RMI1: variants seen among roughly 807,000 people sequenced by gnomAD.
The protein encoded by RMI1 is RecQ mediated genome instability 1.
In RMI1, 36 loss-of-function variants were observed where a neutral mutation model predicts 46.7. That is an observed-to-expected ratio of 0.77 (90% CI 0.59 to 1.02). The LOEUF is 1.02. RMI1 is among the 50% of genes least tolerant of loss of function. The pLI, the probability that RMI1 is intolerant of heterozygous loss-of-function variation, is 0.00. For synonymous variants in RMI1, 250 were observed against 252.9 expected, an observed-to-expected ratio of 0.99 and a Z score of 0.11; for missense variants, 676 against 713.7, an observed-to-expected ratio of 0.95 and a Z score of 0.60.
In RMI1 at chr9:84,001,041, C is replaced by T. The variant is rs35819647; in HGVS notation, c.55C>T (p.His19Tyr). 1,286 of 1,613,600 alleles carry T rather than the reference C, an allele frequency of 8.0e-4. 4 individuals carry two copies. In the African/African-American group the frequency reaches 8.1e-3, roughly 10 times the overall value. The stretch of plus-strand genomic sequence containing the variant: ...TGAAACTTGGCTTTTAGCTGCATGG[C>T]ATGTTAAAGTACCTCCGATGTGGCT... ...RAETWLLAAW[H>Y]VKVPPMWLEA... Residue 19 changes from histidine to tyrosine, a missense_variant, in exon 3 of 3, where the codon CAT becomes TAT. Transcript: ENST00000445877.
intron 1 of RMI1, among the ~76,000 whole-genome samples, chr9:83,997,837 G>A (rs761726537): frequency 1.3e-5 from 2 of 150,252 alleles, no homozygotes; most frequent in Non-Finnish European, 3.0e-5. Flanking sequence ...TTGCTCTGTC[G>A]CCCAGGTGGA....
intron 2 of RMI1, among the ~76,000 whole-genome samples, chr9:84,000,551 G>T (rs1433945737): frequency 1.3e-5 from 2 of 152,172 alleles, no homozygotes; most frequent in African/African-American, 4.8e-5. Context: ...CCATAGATAA[G>T]GGAGGCTAAT....
chr9:83,981,641 CG>C (rs1957399846), intron 1 of RMI1, among the ~76,000 whole-genome samples: 1 of 152,194 alleles, frequency 6.6e-6, no homozygotes, highest in African/African-American at 2.4e-5. Context: ...TTCCAGCCTC[CG>C]CCCACAATCC....
intron 1 of RMI1, among the ~76,000 whole-genome samples, chr9:83,989,673 A>AAAT (rs1957540237): frequency 6.7e-6 from 1 of 148,536 alleles, no homozygotes; most frequent in African/African-American, 2.6e-5. Flanking sequence ...AAGACAAAAA[A>AAAT]AAAAATAAAA....
At chr9:83,997,100 A>ACC (rs1392740034) in intron 1 of RMI1, among the ~76,000 whole-genome samples, 26 of 92,726 alleles carry the variant, frequency 2.8e-4, no homozygotes, top group African/African-American at 1.2e-3. Flanking sequence ...TAAGTCCAAC[A>ACC]CCCCCCCCTT....
At chr9:83,992,881 T>A (rs1230470091) in intron 1 of RMI1, 1 of 152,200 alleles carries the variant, frequency 6.6e-6, no homozygotes, top group Non-Finnish European at 1.5e-5. Context: ...CTCTCTTCCA[T>A]CTTTTTCTCT....
At chr9:83,999,964 A>G (rs974231729) in intron 2 of RMI1, among the ~76,000 whole-genome samples, 167 bp downstream of exon 2, 2 of 152,196 alleles carry the variant, frequency 1.3e-5, no homozygotes, top group Non-Finnish European at 2.9e-5. Flanking sequence ...ATATTTATAT[A>G]TTTGCCTGGC....
intron 1 of RMI1, among the ~76,000 whole-genome samples, chr9:83,981,518 A>G (rs192711158): frequency 6.6e-6 from 1 of 152,276 alleles, no homozygotes; most frequent in Admixed American, 6.5e-5. Context: ...CTCCTGTGCC[A>G]AGCTTTCATG....
At chr9:83,990,539 T>G (rs1044705643) in intron 1 of RMI1, among the ~76,000 whole-genome samples, 1 of 150,954 alleles carries the variant, frequency 6.6e-6, no homozygotes, top group African/African-American at 2.4e-5. Context: ...TTGGAATAAG[T>G]TCTAGTGTTT....
chr9:83,990,888 AC>A (rs1957563544), intron 1 of RMI1, among the ~76,000 whole-genome samples: 1 of 151,728 alleles, frequency 6.6e-6, no homozygotes, highest in South Asian at 2.1e-4. Context: ...GCTCACCACA[AC>A]CCCCGCCTCC....
At chr9:83,987,237 A>G (rs948293041) in intron 1 of RMI1, among the ~76,000 whole-genome samples, 2 of 152,000 alleles carry the variant, frequency 1.3e-5, no homozygotes, top group East Asian at 1.9e-4. Context: ...TAATTTTTGT[A>G]TGTTTAGTAG....
At chr9:83,989,972 A>T (rs80245705) in intron 1 of RMI1, among the ~76,000 whole-genome samples, 5,229 of 152,310 alleles carry the variant, frequency 0.034, 295 homozygotes, top group African/African-American at 0.12. Context: ...GGATAAAGAA[A>T]ATGTATATAT....
In RMI1 at chr9:84,002,332, A is replaced by G. The variant is rs768898369; in HGVS notation, c.1346A>G (p.Asn449Ser). 2.2e-5 allele frequency: 35 copies of G among 1,602,692 alleles called. No individual in the cohort carries two copies. Among genetic ancestry groups the G allele is most frequent in the Non-Finnish European group, 3.0e-5 (35 of 1,170,802 alleles). The change falls in exon 3 of 3, where the codon AAC becomes AGC. Residue 449 changes from asparagine (N) to serine (S), a missense_variant. By Grantham distance (46) the Asn-to-Ser change is conservative. Transcript: ENST00000445877. The part of the protein sequence containing the change: ...NNKILNREVV[N>S]YVQKRNSQIS... Reference sequence around the variant, plus strand: ...AAAATATTAAATAGAGAGGTGGTCAACTATGTACAGAAAAGGAATTCACAA... The same window carrying G: ...AAAATATTAAATAGAGAGGTGGTCAGCTATGTACAGAAAAGGAATTCACAA...
chr9:83,989,041 T>C (rs927180290), intron 1 of RMI1, among the ~76,000 whole-genome samples: 1 of 152,126 alleles, frequency 6.6e-6, no homozygotes, highest in African/African-American at 2.4e-5. Context: ...TATATTTTTG[T>C]AGAGACAAGA....
In RMI1 at chr9:84,002,619, T is replaced by G. The variant is rs1314270815; in HGVS notation, c.1633T>G (p.Phe545Val). 6.2e-7 allele frequency: 1 copy of G among 1,613,958 alleles called. No homozygotes were observed. The highest frequency in any genetic ancestry group is 8.5e-7 in the Non-Finnish European group (1 of 1,179,908). ...TGGTACTGCATATCTAGATGTAGAC[T>G]TTGTGGATGAAATACTTACTAGCTT... Reference protein sequence around the residue: ...SDGTAYLDVDFVDEILTSLIG... With the variant: ...SDGTAYLDVDVVDEILTSLIG... The change falls in exon 3 of 3, where the codon TTT becomes GTT. Residue 545 changes from phenylalanine to valine, a missense_variant. By Grantham distance (50) the Phe-to-Val change is conservative (BLOSUM62 -1). Transcript: ENST00000445877.
At chr9:83,994,013 G>C (rs1957613894) in intron 1 of RMI1, among the ~76,000 whole-genome samples, 1 of 151,206 alleles carries the variant, frequency 6.6e-6, no homozygotes, top group South Asian at 2.1e-4. Flanking sequence ...TGAACTCTTG[G>C]GCTCAAGTGA....
intron 1 of RMI1, among the ~76,000 whole-genome samples, chr9:83,987,183 C>T (rs940799737): frequency 5.3e-5 from 8 of 152,132 alleles, no homozygotes; most frequent in African/African-American, 1.7e-4. Context: ...CTGCCTCAGC[C>T]TCCTGAGTAG....
At chr9:83,998,630 A>G (rs1338046823) in intron 1 of RMI1, among the ~76,000 whole-genome samples, 1 of 152,220 alleles carries the variant, frequency 6.6e-6, no homozygotes, top group Non-Finnish European at 1.5e-5. Flanking sequence ...CATTTCTCAG[A>G]CATGTGCTGC....
intron 1 of RMI1, among the ~76,000 whole-genome samples, chr9:83,987,108 T>G (rs576788564): frequency 6.8e-6 from 1 of 147,828 alleles, no homozygotes; most frequent in Non-Finnish European, 1.5e-5. Context: ...CTGTCACCCA[T>G]GCTGGAGTGC....
Sources: allele counts gnomAD v4.1 joint callset (sites outside exome capture counted in the v4.1 genomes callset), GRCh38; gene constraint gnomAD v4.1.1; transcripts MANE v1.5; gene names NCBI Gene and HGNC (gene_info 2026-07-23, HGNC 2026-07-21).